Variants in KCNQ5 observed in about 807,000 individuals in gnomAD.
KCNQ5 encodes potassium voltage-gated channel subfamily KQT member 5.
KCNQ5 carries 30 observed loss-of-function variants against 98.2 expected under a neutral mutation model. The observed-to-expected ratio is 0.31, with a 90% CI of 0.23 to 0.41. The LOEUF (loss-of-function observed/expected upper bound fraction) is 0.41. Among genes scored for constraint, KCNQ5 ranks in the 10% least tolerant of loss-of-function variants. The pLI is 1.00. For synonymous variants in KCNQ5, 458 were observed against 449.4 expected (o/e 1.02, Z -0.24); for missense variants, 835 against 1,182.5 (o/e 0.71, Z 4.31).
intron 1 of KCNQ5, among the ~76,000 whole-genome samples, chr6:72,877,410 C>G (rs1562041300): frequency 6.6e-6 from 1 of 152,190 alleles, no homozygotes; most frequent in Non-Finnish European, 1.5e-5. Context: ...TATTTTATGG[C>G]TGCATAGTAT....
intron 1 of KCNQ5, among the ~76,000 whole-genome samples, chr6:72,656,021 A>C (rs1219246153): frequency 1.3e-5 from 2 of 152,150 alleles, no homozygotes; most frequent in Non-Finnish European, 2.9e-5. Context: ...TTAAATTTCC[A>C]TTTGCCCTCA....
At chr6:73,054,028 C>G (rs1772354539) in intron 3 of KCNQ5, among the ~76,000 whole-genome samples, 1 of 152,006 alleles carries the variant, frequency 6.6e-6, no homozygotes, top group African/African-American at 2.4e-5. Flanking sequence ...ACCTACCCCA[C>G]AAAAATTTAA....
At chr6:72,923,330 G>C (rs1307687815) in intron 1 of KCNQ5, among the ~76,000 whole-genome samples, 1 of 152,016 alleles carries the variant, frequency 6.6e-6, no homozygotes, top group Admixed American at 6.6e-5. Context: ...TTCCATAATG[G>C]CTGTAATAAC....
At position 72,856,471 on chromosome 6, in the gene KCNQ5, TACAC is replaced by T. The variant is rs3035183; in HGVS notation, c.399-147416_399-147413del. On this transcript the variant is annotated intron_variant, in intron 1 of 13. Coordinates refer to ENST00000370398, the MANE Select transcript of KCNQ5 (RefSeq NM_019842.4). ...ACACACACACACACACACACATATATACACACACACACACACACACACACGTGTG... is the reference window on the plus strand; with the variant it reads ...ACACACACACACACACACACATATATACACACACACACACACACACGTGTG... Among the ~76,000 whole-genome samples, 1,338 of 148,888 alleles carry T rather than the reference TACAC, an allele frequency of 9.0e-3. 9 individuals are homozygous for T. The highest frequency in any genetic ancestry group is 8.9e-3 in the Non-Finnish European group (600 of 67,108).
At chr6:72,754,543 G>T (rs6931185) in intron 1 of KCNQ5, among the ~76,000 whole-genome samples, 44,332 of 151,874 alleles carry the variant, frequency 0.29, 10,335 homozygotes, top group African/African-American at 0.65. Context: ...GATTTTCTAC[G>T]GGCATCTAGC....
At chr6:72,913,703 C>A (rs1780029530) in intron 1 of KCNQ5, among the ~76,000 whole-genome samples, 1 of 152,204 alleles carries the variant, frequency 6.6e-6, no homozygotes, top group Non-Finnish European at 1.5e-5. Context: ...GAAATATCTT[C>A]TCTTCCCATC....
At chr6:72,910,593 TGTGTGTGTGTGTGG>T (rs1420258806) in intron 1 of KCNQ5, among the ~76,000 whole-genome samples, 8 of 151,462 alleles carry the variant, frequency 5.3e-5, no homozygotes, top group East Asian at 3.9e-4. Flanking sequence ...TGTGTGTGTG[TGTGTGTGTGTGTGG>T]CTGATAAATT....
intron 1 of KCNQ5, among the ~76,000 whole-genome samples, chr6:72,799,959 A>G (rs1302272275): frequency 1.3e-5 from 2 of 152,186 alleles, no homozygotes; most frequent in South Asian, 2.1e-4. Context: ...TATTTATTAT[A>G]TCATATGTTC....
At chr6:72,956,056 A>G (rs947816414) in intron 1 of KCNQ5, among the ~76,000 whole-genome samples, 4 of 152,264 alleles carry the variant, frequency 2.6e-5, no homozygotes, top group African/African-American at 9.6e-5. Flanking sequence ...ATTGCTGTCA[A>G]CTAAAAGGTA....
chr6:73,085,669 C>T (rs887938989), intron 5 of KCNQ5, among the ~76,000 whole-genome samples: 84 of 152,150 alleles, frequency 5.5e-4, no homozygotes, highest in African/African-American at 1.8e-3. Flanking sequence ...CTTCTATTCT[C>T]CCCCGCAAAC....
intron 7 of KCNQ5, among the ~76,000 whole-genome samples, chr6:73,113,787 G>C (rs904634138): frequency 6.6e-6 from 1 of 152,230 alleles, no homozygotes; most frequent in South Asian, 2.1e-4. Flanking sequence ...TGGAGGACAG[G>C]CTAATTGAAC....
chr6:72,800,154 A>G (rs1279937865), intron 1 of KCNQ5, among the ~76,000 whole-genome samples: 3 of 152,136 alleles, frequency 2.0e-5, no homozygotes, highest in Admixed American at 2.0e-4. Flanking sequence ...TTGAATTTCA[A>G]AGGTAATGCC....
intron 1 of KCNQ5, among the ~76,000 whole-genome samples, chr6:72,879,884 C>T (rs1581947188): frequency 6.6e-6 from 1 of 152,078 alleles, no homozygotes; most frequent in African/African-American, 2.4e-5. Context: ...AATATATGCT[C>T]GAGTAGCCTC....
intron 3 of KCNQ5, among the ~76,000 whole-genome samples, chr6:73,047,612 T>C (rs1772030536): frequency 6.6e-6 from 1 of 152,234 alleles, no homozygotes; most frequent in Admixed American, 6.5e-5. Flanking sequence ...TGAATAAGGA[T>C]TATTTCCCAC....
chr6:73,037,613 C>T (rs1166855452), intron 2 of KCNQ5, among the ~76,000 whole-genome samples: 1 of 152,062 alleles, frequency 6.6e-6, no homozygotes, highest in Non-Finnish European at 1.5e-5. Flanking sequence ...TTGTTGAGGG[C>T]CCTTCTTCCT....
intron 1 of KCNQ5, among the ~76,000 whole-genome samples, chr6:72,643,486 G>C (rs537294593): frequency 6.6e-6 from 1 of 152,208 alleles, no homozygotes; most frequent in South Asian, 2.1e-4. Context: ...TACAGATTGA[G>C]TATCCTTAAT....
chr6:72,633,134 G>A (rs1402060137), intron 1 of KCNQ5, among the ~76,000 whole-genome samples: 2 of 152,164 alleles, frequency 1.3e-5, no homozygotes, highest in Non-Finnish European at 2.9e-5. Context: ...CTGATGGTAT[G>A]AGGTGGTATC....
chr6:73,116,965 C>T (rs981189874), intron 7 of KCNQ5, among the ~76,000 whole-genome samples: 65 of 152,104 alleles, frequency 4.3e-4, no homozygotes, highest in Admixed American at 1.4e-3. Context: ...ACAAAATACT[C>T]CCAAAAAAAC....
In KCNQ5 at chr6:73,080,384, C is replaced by G. The variant is rs958564532; in HGVS notation, c.918+2497C>G. On this transcript the variant is annotated intron_variant, in intron 5 of 13. Transcript: ENST00000370398. ...CAAACTTCGAAGAATTTTTTAAGGCCTTATTGGTCCGTAGCAGGTTTGTTG... is the reference window on the plus strand; with the variant it reads ...CAAACTTCGAAGAATTTTTTAAGGCGTTATTGGTCCGTAGCAGGTTTGTTG... Among the ~76,000 whole-genome samples the G allele has an allele frequency of 1.4e-4, 21 of 151,932 alleles. No individual in the cohort carries two copies. In the East Asian group the frequency reaches 2.3e-3, roughly 17 times the overall value.
Sources: gnomAD v4.1 joint callset for allele counts (sites outside exome capture counted in the v4.1 genomes callset) on GRCh38, gnomAD v4.1.1 for gene constraint, MANE v1.5 for transcripts, NCBI Gene and HGNC (gene_info 2026-07-23, HGNC 2026-07-21) for gene names.